ZNF827: variants seen among roughly 807,000 people sequenced by gnomAD.
ZNF827 encodes the protein zinc finger protein 827.
In ZNF827, 13 loss-of-function variants were observed where a neutral mutation model predicts 102.4. The ratio of observed to expected loss-of-function variants is 0.13; its 90% CI spans 0.08 to 0.20. ZNF827 has a LOEUF of 0.20. ZNF827 is among the 10% of genes least tolerant of loss of function. The probability of loss-of-function intolerance (pLI) is 1.00; values close to 1 mark genes in which losing one functional copy is unlikely to be tolerated. For missense variants in ZNF827, 1,103 were observed against 1,344.4 expected (o/e 0.82, Z 2.81); for synonymous variants, 523 against 536.2 (o/e 0.98, Z 0.34).
Position 145,765,534 on chromosome 4 carries a change from ACCT to A in ZNF827, c.3052+10_3052+12del, listed in dbSNP as rs1157700684. The A allele has an allele frequency of 6.2e-7, 1 of 1,604,736 alleles. No individual in the cohort carries two copies. The highest frequency in any genetic ancestry group is 1.7e-5 in the Admixed American group (1 of 59,460). On this transcript the variant is annotated intron_variant, in intron 12 of 14. Coordinates refer to ENST00000508784, the MANE Select transcript of ZNF827 (RefSeq NM_001306215.2). This position sits in a 1 kb window ranked among gnomAD's most constrained non-coding sequence, Gnocchi z 4.7. ...CGGAGGGTTGAGCAGGCTCACACCCACCTCCTCCTTACCTTTCTCTGGCTTTTC... is the reference window on the plus strand; with the variant it reads ...CGGAGGGTTGAGCAGGCTCACACCCACCTCCTTACCTTTCTCTGGCTTTTC...
At chr4:145,861,355 T>G (rs902372652) in intron 5 of ZNF827, among the ~76,000 whole-genome samples, 3 of 152,178 alleles carry the variant, frequency 2.0e-5, no homozygotes, top group Non-Finnish European at 2.9e-5. Context: ...AAACCTAGAA[T>G]GGTGCAAGGT....
chr4:145,845,962 G>A lies in ZNF827; in HGVS notation c.2273C>T (p.Thr758Met), dbSNP rs375195633. 2.5e-6 allele frequency: 4 copies of A among 1,614,194 alleles called. No individual in the cohort carries two copies. Among genetic ancestry groups the A allele is most frequent in the South Asian group, 2.2e-5 (2 of 91,084 alleles). ...NHTKENTIRT[T>M]TSPFFSEDTF... is the part of the protein sequence containing the mutation. ...CCCACACAAAGTCGCCTACCTGGTC[G>A]TGGTCCGGATGGTGTTTTCTTTTGT... The change falls in exon 7 of 15, where the codon ACG becomes ATG. Residue 758 changes from threonine (T) to methionine (M), a missense_variant. Around this residue, in one of 5 missense-constraint regions of ZNF827, gnomAD observed 243 missense variants for 251.6 expected, o/e 0.97. Coordinates refer to ENST00000508784, the MANE Select transcript of ZNF827 (RefSeq NM_001306215.2).
Position 145,764,737 on chromosome 4 carries a change from G to T in ZNF827, c.3230+251C>A, listed in dbSNP as rs11939704. 18 of 523,412 alleles carry T rather than the reference G, an allele frequency of 3.4e-5. No individual in the cohort carries two copies. In the Admixed American group the frequency reaches 6.0e-4, roughly 17 times the overall value. 32.4% of individuals were successfully genotyped at this position (523,412 alleles called of 1,614,324 possible). A position where few individuals can be genotyped will look rare whatever the true frequency, so the allele number is the denominator to read the frequency against. ...TTCTTGCATGCTGGGTTGTTTCAAC[G>T]TGTCTTTTTTCTTGCCCTGAATCCC... On this transcript the variant is annotated intron_variant, in intron 13 of 14. Coordinates refer to ENST00000508784, the MANE Select transcript of ZNF827 (RefSeq NM_001306215.2).
At chr4:145,925,711 C>T (rs1479256098) in intron 1 of ZNF827, among the ~76,000 whole-genome samples, 4 of 152,198 alleles carry the variant, frequency 2.6e-5, no homozygotes, top group African/African-American at 7.2e-5. Flanking sequence ...ACGTGTTCCC[C>T]TGCTATGGGA....
chr4:145,885,642 GAGA>G lies in ZNF827; in HGVS notation c.1747+33_1747+35del. 5.3e-6 allele frequency: 8 copies of G among 1,500,288 alleles called. No individual in the cohort carries two copies. In the South Asian group the frequency reaches 1.1e-4, roughly 21 times the overall value. The allele number at this position is 1,500,288 out of a possible 1,614,324, so 92.9% of individuals were successfully genotyped here. On this transcript the variant is annotated intron_variant, in intron 4 of 14. Coordinates refer to ENST00000508784, the MANE Select transcript of ZNF827 (RefSeq NM_001306215.2). ...AGAGAGAGAGAGAGAGAGAGAGAGA[GAGA>G]GAGAGAGAGAGAATACAACCCTATT...
chr4:145,821,200 T>C (rs1479598603), intron 8 of ZNF827, among the ~76,000 whole-genome samples: 1 of 152,172 alleles, frequency 6.6e-6, no homozygotes, highest in Non-Finnish European at 1.5e-5. Context: ...AATAAATAAA[T>C]AGCCTCCCAT....
intron 2 of ZNF827, among the ~76,000 whole-genome samples, chr4:145,894,545 G>A (rs1579501078): frequency 6.6e-6 from 1 of 152,334 alleles, no homozygotes; most frequent in East Asian, 1.9e-4. Flanking sequence ...TGGAACCAGA[G>A]GGTTCTGGAA....
chr4:145,869,797 C>A (rs1050170741), intron 5 of ZNF827, among the ~76,000 whole-genome samples: 3 of 152,184 alleles, frequency 2.0e-5, no homozygotes, highest in Non-Finnish European at 4.4e-5. Flanking sequence ...TTGGTAATTA[C>A]TTCAAGTGCC....
intron 1 of ZNF827, among the ~76,000 whole-genome samples, chr4:145,908,115 AC>A (rs1752013101): frequency 6.6e-6 from 1 of 152,204 alleles, no homozygotes; most frequent in Non-Finnish European, 1.5e-5. Context: ...GGACCAATAT[AC>A]ATCTCAGAGC....
In ZNF827 at chr4:145,902,456, C is replaced by T; in HGVS notation, c.803G>A (p.Gly268Asp). ...GCTGGCCGGTGGAGGGTGCTCCTGACCAGGAGTCAAACTTCTTTCACTGAC... is the reference window on the plus strand; with the variant it reads ...GCTGGCCGGTGGAGGGTGCTCCTGATCAGGAGTCAAACTTCTTTCACTGAC... The part of the protein sequence containing the change: ...KKVSERSLTP[G>D]QEHPPPASSF... Residue 268 changes from glycine (G) to aspartate (D), a missense_variant, in exon 2 of 15, where the codon GGT becomes GAT. Physicochemically the swap from Gly to Asp is moderately conservative, Grantham distance 94. Transcript: ENST00000508784. This position sits in a 1 kb window ranked among gnomAD's most constrained non-coding sequence, Gnocchi z 4.3. 6.2e-7 allele frequency: 1 copy of T among 1,614,108 alleles called. No homozygotes were observed. The highest frequency in any genetic ancestry group is 1.7e-5 in the Admixed American group (1 of 60,016).
In ZNF827 at chr4:145,765,622, C is replaced by G. The variant is rs771220958; in HGVS notation, c.2977G>C (p.Gly993Arg). ...DSDGSQKNKG[G>R]NNLLVISVMP... ...ACAGAGATGACCAGCAGATTGTTCC[C>G]GCCCTTGTTTTTCTGGGAGCCATCT... The change falls in exon 12 of 15, where the codon GGG becomes CGG. Residue 993 changes from glycine to arginine, a missense_variant. Around this residue, in one of 5 missense-constraint regions of ZNF827, gnomAD observed 242 missense variants for 361.9 expected, o/e 0.67. Transcript: ENST00000508784. The surrounding 1 kb of genome is among the most constrained non-coding windows in gnomAD (Gnocchi z 4.7). 1 of 1,614,098 alleles carries G rather than the reference C, an allele frequency of 6.2e-7. No homozygotes were observed. Among genetic ancestry groups the G allele is most frequent in the Non-Finnish European group, 8.5e-7 (1 of 1,180,018 alleles).
chr4:145,874,656 C>T (rs1749000281), intron 4 of ZNF827, among the ~76,000 whole-genome samples: 2 of 152,186 alleles, frequency 1.3e-5, no homozygotes, highest in Non-Finnish European at 2.9e-5. Flanking sequence ...CCATTTATGA[C>T]TCATGACATA....
intron 8 of ZNF827, among the ~76,000 whole-genome samples, chr4:145,805,828 C>T (rs776489377): frequency 1.6e-4 from 25 of 152,096 alleles, no homozygotes; most frequent in Non-Finnish European, 3.4e-4. Context: ...CTTGTTGCTC[C>T]CTTTACATGA....
Position 145,761,079 on chromosome 4 carries a change from C to T in ZNF827, c.*537G>A. The T allele has an allele frequency of 7.8e-7, 1 of 1,289,504 alleles. No homozygotes were observed. The highest frequency in any genetic ancestry group is 1.2e-5 in the South Asian group (1 of 81,002). The allele number at this position is 1,289,504 out of a possible 1,614,324, so 79.9% of individuals were successfully genotyped here. ...GAGCCTGGGAGGCAGACATAACTGA[C>T]AGGGGAGACAGGAGATTCCGGGAGC... is the stretch of plus-strand genomic sequence containing the variant. On this transcript the variant is annotated 3_prime_UTR_variant, in exon 15 of 15. Coordinates refer to ENST00000508784, the MANE Select transcript of ZNF827 (RefSeq NM_001306215.2). The surrounding 1 kb of genome is among the most constrained non-coding windows in gnomAD (Gnocchi z 6.8).
chr4:145,918,986 T>C (rs1460196250), intron 1 of ZNF827, among the ~76,000 whole-genome samples: 1 of 152,182 alleles, frequency 6.6e-6, no homozygotes, highest in Non-Finnish European at 1.5e-5. Context: ...CCAGGCACAG[T>C]GTCTCACACC....
At chr4:145,882,815 G>C (rs1370355684) in intron 4 of ZNF827, among the ~76,000 whole-genome samples, 1 of 152,154 alleles carries the variant, frequency 6.6e-6, no homozygotes, top group Non-Finnish European at 1.5e-5. Context: ...GCAGGTGCAC[G>C]GACAGAGCCC....
chr4:145,787,419 G>A (rs529738279), intron 8 of ZNF827, among the ~76,000 whole-genome samples: 2 of 144,860 alleles, frequency 1.4e-5, no homozygotes, highest in African/African-American at 5.1e-5. Flanking sequence ...CTGAGACCAC[G>A]CCATTGCACT....
At chr4:145,856,715 ACACACACACCC>A (rs1159677405) in intron 5 of ZNF827, among the ~76,000 whole-genome samples, 11 of 122,468 alleles carry the variant, frequency 9.0e-5, no homozygotes, top group Admixed American at 8.4e-4. Flanking sequence ...ACACACACAC[ACACACACACCC>A]CATTTCACTC....
chr4:145,810,438 T>C (rs1408490424), intron 8 of ZNF827, among the ~76,000 whole-genome samples: 1 of 151,680 alleles, frequency 6.6e-6, no homozygotes, highest in Non-Finnish European at 1.5e-5. Flanking sequence ...CTTTTAGAAA[T>C]TATAAGTGTA....
Sources: allele counts gnomAD v4.1 joint callset (sites outside exome capture counted in the v4.1 genomes callset), GRCh38; gene constraint gnomAD v4.1.1; regional missense constraint gnomAD v4.1.1; non-coding constraint Gnocchi (gnomAD v3.1); transcripts MANE v1.5; gene names NCBI Gene and HGNC (gene_info 2026-07-23, HGNC 2026-07-21).